The following UBXN7 variants were observed in gnomAD, a reference collection of about 807,000 sequenced individuals.
UBXN7 encodes the protein UBX domain protein 7.
In UBXN7, 9 loss-of-function variants were observed where a neutral mutation model predicts 58.0. That is an observed-to-expected ratio of 0.16 (90% CI 0.09 to 0.27). UBXN7 has a LOEUF of 0.27. UBXN7 is among the 10% of genes least tolerant of loss of function. The pLI is 1.00. For missense variants in UBXN7, 328 were observed against 599.6 expected (o/e 0.55, Z 4.73); for synonymous variants, 208 against 205.0 (o/e 1.01, Z -0.12).
chr3:196,368,829 T>G (rs114069205), intron 7 of UBXN7, among the ~76,000 whole-genome samples: 55 of 152,264 alleles, frequency 3.6e-4, no homozygotes, highest in African/African-American at 1.3e-3. Flanking sequence ...TTTTGTCTTG[T>G]TTTGTTTTTT....
At chr3:196,381,680 A>G (rs1194020714) in intron 5 of UBXN7, among the ~76,000 whole-genome samples, 1 of 152,184 alleles carries the variant, frequency 6.6e-6, no homozygotes, top group Non-Finnish European at 1.5e-5. Context: ...GTCGGTAATA[A>G]CAAACTTCTC....
chr3:196,419,636 C>T (rs11919810), intron 1 of UBXN7, among the ~76,000 whole-genome samples: 1,944 of 152,220 alleles, frequency 0.013, 42 homozygotes, highest in African/African-American at 0.044. Context: ...TTCTTAGTGT[C>T]GAAGCACTAG....
At chr3:196,379,257 A>G (rs1457156995) in intron 5 of UBXN7, among the ~76,000 whole-genome samples, 5 of 120,378 alleles carry the variant, frequency 4.2e-5, no homozygotes, top group East Asian at 2.5e-4. Context: ...GTTTTGGGGG[A>G]TCTTAGCCAG....
At chr3:196,409,227 CTA>C (rs1056797484) in intron 1 of UBXN7, among the ~76,000 whole-genome samples, 25 of 152,174 alleles carry the variant, frequency 1.6e-4, no homozygotes, top group African/African-American at 5.8e-4. Flanking sequence ...TTTTTTATAA[CTA>C]GAAGTTCTGT....
Position 196,361,938 on chromosome 3 carries a change from T to TTA in UBXN7, c.1229-16_1229-15insTA. ...TGCTTTTGGTCCTAAAGGAAGGGTT[T>TTA]AAAAAAAAAAAAAAAACGGGATACA... On this transcript the variant is annotated splice_polypyrimidine_tract_variant and intron_variant, in intron 9 of 10. Coordinates refer to ENST00000296328, the MANE Select transcript of UBXN7 (RefSeq NM_015562.2). The TTA allele has an allele frequency of 2.1e-6, 3 of 1,421,460 alleles. No homozygotes were observed. In the African/African-American group the frequency reaches 4.7e-5, roughly 22 times the overall value. 88.1% of individuals were successfully genotyped at this position (1,421,460 alleles called of 1,614,324 possible).
intron 7 of UBXN7, 101 bp from the exon 8 acceptor site, chr3:196,368,256 CA>C: frequency 1.6e-6 from 2 of 1,213,338 alleles, no homozygotes; most frequent in East Asian, 2.6e-5. Flanking sequence ...TCCTTCTGAA[CA>C]CTCTCATTAA....
chr3:196,431,835 G>T (rs1731064231), intron 1 of UBXN7: 1 of 389,094 alleles, frequency 2.6e-6, no homozygotes, highest in African/African-American at 2.1e-5. Flanking sequence ...CCACGGCGAT[G>T]GCTCCGAGGG....
chr3:196,401,805 A>AGAG (rs1729996481), intron 3 of UBXN7, among the ~76,000 whole-genome samples: 2 of 72,948 alleles, frequency 2.7e-5, no homozygotes, highest in African/African-American at 8.5e-5. Context: ...GAAAGGAAAG[A>AGAG]AAGAAAAGAA....
At chr3:196,385,806 C>T (rs376806726) in intron 5 of UBXN7, among the ~76,000 whole-genome samples, 57 of 150,254 alleles carry the variant, frequency 3.8e-4, no homozygotes, top group African/African-American at 1.3e-3. Flanking sequence ...GGGGTGGGGG[C>T]GCCTCTGCCC....
Position 196,351,833 on chromosome 3 carries a change from C to T in UBXN7, c.*4852G>A, listed in dbSNP as rs915440013. 3.3e-5 allele frequency: 5 copies of T among 152,136 alleles called. No homozygotes were observed. Among genetic ancestry groups the T allele is most frequent in the South Asian group, 2.1e-4 (1 of 4,826 alleles). 9.4% of individuals were successfully genotyped at this position (152,136 alleles called of 1,614,324 possible). A position where few individuals can be genotyped will look rare whatever the true frequency, so the allele number is the denominator to read the frequency against. ...ACCTGGGTAGAGAAATTAAATCTTT[C>T]CTTCATTTTTCGGTTGCTAGTGGCT... is the stretch of plus-strand genomic sequence containing the variant. On this transcript the variant is annotated 3_prime_UTR_variant, in exon 11 of 11. Transcript: ENST00000296328.
chr3:196,405,267 C>T (rs898846098), intron 2 of UBXN7, among the ~76,000 whole-genome samples: 4 of 151,828 alleles, frequency 2.6e-5, no homozygotes, highest in East Asian at 1.9e-4. Flanking sequence ...GTCAGGAAAT[C>T]GGGACCATCC....
intron 1 of UBXN7, among the ~76,000 whole-genome samples, chr3:196,426,576 C>T (rs888753962): frequency 2.6e-5 from 4 of 151,598 alleles, no homozygotes; most frequent in African/African-American, 9.7e-5. Flanking sequence ...AGGCCAGGCG[C>T]GGTGGTTCAC....
chr3:196,367,275 G>C (rs978516091), intron 8 of UBXN7, among the ~76,000 whole-genome samples: 1 of 151,892 alleles, frequency 6.6e-6, no homozygotes, highest in African/African-American at 2.4e-5. Context: ...ATGTGAGATT[G>C]CTGTATCTTT....
rs1728840807 is a variant in UBXN7, at chr3:196,371,822, C to T, written c.615+74G>A. On this transcript the variant is annotated intron_variant, in intron 6 of 10. Coordinates refer to ENST00000296328, the MANE Select transcript of UBXN7 (RefSeq NM_015562.2). ...TTAAATGTCTTAATTCATTATAACC[C>T]AATTCCTTTCCCTCAACAACCCACA... 3.9e-6 allele frequency: 6 copies of T among 1,539,174 alleles called. No homozygotes were observed. In the East Asian group the frequency reaches 1.4e-4, roughly 35 times the overall value.
chr3:196,403,532 A>T (rs1399873916), intron 2 of UBXN7, among the ~76,000 whole-genome samples: 1 of 152,182 alleles, frequency 6.6e-6, no homozygotes, highest in East Asian at 1.9e-4. Context: ...TATAGCTCAA[A>T]TGGTTTGGAA....
At chr3:196,366,769 G>A (rs1000866010) in intron 8 of UBXN7, among the ~76,000 whole-genome samples, 1 of 151,998 alleles carries the variant, frequency 6.6e-6, no homozygotes, top group African/African-American at 2.4e-5. Context: ...CACATCTGTG[G>A]TCCCAGCTAC....
chr3:196,359,277 G>A (rs1208163616), intron 10 of UBXN7, among the ~76,000 whole-genome samples: 2 of 152,176 alleles, frequency 1.3e-5, no homozygotes, highest in South Asian at 4.2e-4. Flanking sequence ...ACACAAGACC[G>A]CAAACTTAAT....
intron 1 of UBXN7, among the ~76,000 whole-genome samples, chr3:196,430,957 C>T (rs1022217101): frequency 6.6e-6 from 1 of 152,098 alleles, no homozygotes; most frequent in African/African-American, 2.4e-5. Context: ...ACTCCTCACC[C>T]CAATTTTATT....
chr3:196,368,997 T>G (rs1728746429), intron 7 of UBXN7, among the ~76,000 whole-genome samples: 1 of 152,124 alleles, frequency 6.6e-6, no homozygotes, highest in Non-Finnish European at 1.5e-5. Flanking sequence ...TAATTTTTTT[T>G]GTATTTTTAG....
Sources: allele counts gnomAD v4.1 joint callset (sites outside exome capture counted in the v4.1 genomes callset), GRCh38; gene constraint gnomAD v4.1.1; transcripts MANE v1.5; gene names NCBI Gene and HGNC (gene_info 2026-07-23, HGNC 2026-07-21).